Variants in SEMA3D observed in about 807,000 individuals in gnomAD.
The protein encoded by SEMA3D is semaphorin 3D.
SEMA3D carries 84 observed loss-of-function variants against 100.1 expected under a neutral mutation model. The ratio of observed to expected loss-of-function variants is 0.84; its 90% CI spans 0.70 to 1.01. SEMA3D has a LOEUF of 1.01. Ranked by LOEUF, SEMA3D falls within the 50% of genes least tolerant of loss-of-function variation. The probability of loss-of-function intolerance (pLI) is 0.00; values close to 1 mark genes in which losing one functional copy is unlikely to be tolerated. For missense variants in SEMA3D, 875 were observed against 934.1 expected (o/e 0.94, Z 0.82); for synonymous variants, 312 against 320.7 (o/e 0.97, Z 0.29).
chr7:85,132,275 T>C (rs1335085256), intron 2 of SEMA3D, among the ~76,000 whole-genome samples: 1 of 151,908 alleles, frequency 6.6e-6, no homozygotes, highest in African/African-American at 2.4e-5. Context: ...TTTTATTGAC[T>C]ATGGAAACTC....
At chr7:85,195,087 T>C in the SEMA3D span, among the ~76,000 whole-genome samples, 1 of 152,196 alleles carries the variant, frequency 6.6e-6, no homozygotes, top group Admixed American at 6.5e-5. Flanking sequence ...AGACATTTTC[T>C]TTCTTCCATT....
intron 5 of SEMA3D, among the ~76,000 whole-genome samples, chr7:85,080,224 T>G (rs1004111502): frequency 2.0e-5 from 3 of 152,170 alleles, no homozygotes; most frequent in Non-Finnish European, 4.4e-5. Context: ...AGTATCTGTA[T>G]CCCCCATTAG....
intron 8 of SEMA3D, among the ~76,000 whole-genome samples, chr7:85,060,249 T>G (rs2116111188): frequency 6.6e-6 from 1 of 152,322 alleles, no homozygotes; most frequent in African/African-American, 2.4e-5. Flanking sequence ...AGAGTTAGTG[T>G]CAAGTAGTGC....
chr7:85,039,969 CT>C (rs776990536), intron 11 of SEMA3D, among the ~76,000 whole-genome samples: 2,352 of 90,674 alleles, frequency 0.026, 8 homozygotes, highest in African/African-American at 0.041. Flanking sequence ...TACGCAAACA[CT>C]TTTTTTTTTT....
intron 2 of SEMA3D, chr7:85,142,256 T>C (rs967966503): frequency 3.1e-6 from 3 of 982,220 alleles, no homozygotes; most frequent in Non-Finnish European, 2.4e-6. Context: ...TAATAAATTT[T>C]TGAACCAACA....
At chr7:85,073,106 A>G (rs1791821725) in intron 5 of SEMA3D, 25 bp from the exon 6 acceptor site, 1 of 1,607,834 alleles carries the variant, frequency 6.2e-7, no homozygotes, top group Non-Finnish European at 8.5e-7. Context: ...AATTAAAAGC[A>G]TTAACACACA....
rs962108454 is a variant in SEMA3D at position 85,122,088 on chromosome 7, G to A, written c.-40-157C>T. The stretch of plus-strand genomic sequence containing the variant: ...AACATAGCATACCAGGGCCTGTTGG[G>A]GGCTGGGGGCTGGGGGAGGGAGAGC... On this transcript the variant is annotated intron_variant, in intron 2 of 18. Transcript: ENST00000284136. Among the ~76,000 whole-genome samples the A allele has an allele frequency of 7.2e-5, 11 of 152,030 alleles. No individual in the cohort carries two copies. In the East Asian group the frequency reaches 1.6e-3, roughly 21 times the overall value.
intron 5 of SEMA3D, among the ~76,000 whole-genome samples, chr7:85,080,883 A>G (rs1788038884): frequency 6.6e-6 from 1 of 152,188 alleles, no homozygotes; most frequent in Admixed American, 6.5e-5. Context: ...TCTGCTCTTC[A>G]AGGCAGCTTA....
At chr7:85,087,616 A>AC (rs1266288237) in intron 4 of SEMA3D, among the ~76,000 whole-genome samples, 2 of 152,202 alleles carry the variant, frequency 1.3e-5, no homozygotes, top group Admixed American at 1.3e-4. Context: ...AAAACTGGCA[A>AC]ACAGAAGTAA....
intron 1 of SEMA3D, among the ~76,000 whole-genome samples, chr7:85,174,113 G>A (rs969635867): frequency 6.6e-6 from 1 of 152,144 alleles, no homozygotes; most frequent in African/African-American, 2.4e-5. Flanking sequence ...ATAAAAGCAG[G>A]TGAGGAAGAA....
chr7:85,055,822 G>C lies in SEMA3D; in HGVS notation c.756C>G (p.Thr252=). 6.3e-7 allele frequency: 1 copy of C among 1,578,244 alleles called. No individual in the cohort carries two copies. Among genetic ancestry groups the C allele is most frequent in the Non-Finnish European group, 8.7e-7 (1 of 1,153,148 alleles). Residue 252 remains threonine, a synonymous_variant, in exon 9 of 19, where the codon ACC becomes ACG. Transcript: ENST00000284136. Reference sequence around the variant, plus strand: ...ATATTTTATCATCATCTGGATTGTAGGTGTCTGGTATGAAGAAAGTTCCAA... The same window carrying C: ...ATATTTTATCATCATCTGGATTGTACGTGTCTGGTATGAAGAAAGTTCCAA... The part of the protein sequence containing the change: ...KFIGTFFIPD[T]YNPDDDKIYF...
At chr7:85,088,366 C>T (rs1788284973) in intron 4 of SEMA3D, among the ~76,000 whole-genome samples, 1 of 152,008 alleles carries the variant, frequency 6.6e-6, no homozygotes, top group South Asian at 2.1e-4. Flanking sequence ...AGTCAAATGC[C>T]CCTCAGCCTA....
chr7:85,147,092 CTTTTTTTT>C (rs752922884), intron 2 of SEMA3D, among the ~76,000 whole-genome samples: 213 of 48,162 alleles, frequency 4.4e-3, no homozygotes, highest in Middle Eastern at 0.023. Context: ...TTTTTCTTTT[CTTTTTTTT>C]TTTTTTTTTT....
chr7:85,214,200 C>T, the SEMA3D span, among the ~76,000 whole-genome samples: 4 of 152,126 alleles, frequency 2.6e-5, no homozygotes, highest in African/African-American at 9.7e-5. Context: ...CCTTCTCTAA[C>T]AACTGGGATC....
At chr7:85,230,508 G>GT in the SEMA3D span, among the ~76,000 whole-genome samples, 1 of 152,120 alleles carries the variant, frequency 6.6e-6, no homozygotes, top group African/African-American at 2.4e-5. Context: ...AACAGTCAAC[G>GT]TATCTCATAA....
At chr7:85,019,123 T>C (rs1296826025) in intron 14 of SEMA3D, among the ~76,000 whole-genome samples, 1 of 151,788 alleles carries the variant, frequency 6.6e-6, no homozygotes, top group Non-Finnish European at 1.5e-5. Flanking sequence ...GTTCAGTTTT[T>C]TGTTTGTATC....
chr7:85,141,065 T>G (rs1319142309), intron 2 of SEMA3D: 2 of 888,090 alleles, frequency 2.3e-6, no homozygotes, highest in Non-Finnish European at 2.7e-6. Flanking sequence ...TATGTTTTCA[T>G]TTTATTTAAT....
chr7:84,999,660 A>C lies in SEMA3D; in HGVS notation c.2114T>G (p.Leu705Arg), dbSNP rs1415076796. ...GTATCTCAACCGTGACTCAGCCAAT[A>C]GATCCTTGACCTTCCCCTCCTCATG... is the stretch of plus-strand genomic sequence containing the variant. ...AEHEEGKVKD[L>R]LAESRLRYKD... is the part of the protein sequence containing the mutation. Residue 705 changes from leucine (L) to arginine (R), a missense_variant, in exon 19 of 19, where the codon CTA (leucine) becomes CGA (arginine). Leu to Arg is a moderately radical substitution (Grantham distance 102). Transcript: ENST00000284136. 45 of 1,613,946 alleles carry C rather than the reference A, an allele frequency of 2.8e-5. No homozygotes were observed. The highest frequency in any genetic ancestry group is 3.7e-5 in the Non-Finnish European group (44 of 1,180,000).
intron 9 of SEMA3D, 55 bp from the exon 10 acceptor site, chr7:85,042,340 A>T: frequency 1.6e-6 from 2 of 1,260,382 alleles, no homozygotes; most frequent in Admixed American, 3.5e-5. Context: ...TCTACCACTC[A>T]CTAAAACTGG....
Sources: allele counts gnomAD v4.1 joint callset (sites outside exome capture counted in the v4.1 genomes callset), GRCh38; gene constraint gnomAD v4.1.1; transcripts MANE v1.5; gene names NCBI Gene and HGNC (gene_info 2026-07-23, HGNC 2026-07-21).